PCDHA8: variants seen among roughly 807,000 people sequenced by gnomAD.
The protein encoded by PCDHA8 is protocadherin alpha 8, also known as protocadherin alpha-8.
PCDHA8 carries 53 observed loss-of-function variants against 61.8 expected under a neutral mutation model. That is an observed-to-expected ratio of 0.86 (90% CI 0.69 to 1.08). The LOEUF (loss-of-function observed/expected upper bound fraction) is 1.08. PCDHA8 is among the 50% of genes least tolerant of loss of function. PCDHA8 has a pLI of 0.00. For synonymous variants in PCDHA8, 618 were observed against 556.6 expected (o/e 1.11, Z -1.55); for missense variants, 1,293 against 1,245.0 (o/e 1.04, Z -0.58).
chr5:140,845,350 T>C (rs1779833131), intron 1 of PCDHA8, among the ~76,000 whole-genome samples: 1 of 149,732 alleles, frequency 6.7e-6, no homozygotes, highest in South Asian at 2.1e-4. Context: ...AAACATTTAA[T>C]TGACTTTTAC....
chr5:140,908,754 A>C (rs1403008536), intron 1 of PCDHA8, among the ~76,000 whole-genome samples: 1 of 152,184 alleles, frequency 6.6e-6, no homozygotes, highest in Non-Finnish European at 1.5e-5. Context: ...ACTTGCACAC[A>C]GCCTGGACGT....
chr5:140,843,118 C>T lies in PCDHA8; in HGVS notation c.1797C>T (p.Ala599=). The change falls in exon 1 of 4, where the codon GCC becomes GCT. Residue 599 remains alanine (A), a synonymous_variant. Transcript: ENST00000531613. The stretch of plus-strand genomic sequence containing the variant: ...TAGCGAAGGTGCGCGCAGTGGACGC[C>T]GACTCGGGCTACAACGCGTGGCTTT... ...HVVAKVRAVD[A]DSGYNAWLSY... is the part of the protein sequence containing the mutation. 6.3e-7 allele frequency: 1 copy of T among 1,595,834 alleles called. No individual in the cohort carries two copies. The highest frequency in any genetic ancestry group is 8.6e-7 in the Non-Finnish European group (1 of 1,165,538).
intron 2 of PCDHA8, 179 bp from the exon 3 acceptor site, chr5:140,982,296 C>G (rs886254601): frequency 8.6e-7 from 1 of 1,167,014 alleles, no homozygotes; most frequent in African/African-American, 1.5e-5. Context: ...AGTAAGTCAG[C>G]AATGCTTCTG....
intron 1 of PCDHA8, among the ~76,000 whole-genome samples, chr5:140,872,635 C>T (rs1172137990): frequency 6.6e-6 from 1 of 152,028 alleles, no homozygotes; most frequent in Non-Finnish European, 1.5e-5. Context: ...GATTTTGTTC[C>T]ATGAAAAGGC....
chr5:140,856,816 C>T (rs2044218457), intron 1 of PCDHA8: 2 of 1,593,576 alleles, frequency 1.3e-6, no homozygotes, highest in Admixed American at 1.7e-5. Flanking sequence ...ATCAAGTGAA[C>T]CAAACATTAG....
intron 1 of PCDHA8, among the ~76,000 whole-genome samples, chr5:140,888,454 A>G (rs1167294283): frequency 6.6e-6 from 1 of 152,234 alleles, no homozygotes; most frequent in Non-Finnish European, 1.5e-5. Context: ...ATAAAGAATT[A>G]GCTCAAAATG....
At chr5:140,877,839 A>G (rs2057367244) in intron 1 of PCDHA8, 12 of 1,582,068 alleles carry the variant, frequency 7.6e-6, no homozygotes, top group Non-Finnish European at 9.4e-6. Flanking sequence ...CTCCCAGTGA[A>G]GTAAGTTATT....
chr5:140,981,459 A>C (rs1267670163), intron 2 of PCDHA8, among the ~76,000 whole-genome samples: 1 of 152,176 alleles, frequency 6.6e-6, no homozygotes, highest in Non-Finnish European at 1.5e-5. Context: ...CTGTAGTCCC[A>C]GCTACTTGGG....
rs2098420299 is a variant in PCDHA8 at position 141,011,351 on chromosome 5, A to G, written c.*1414A>G. The G allele has an allele frequency of 1.3e-5, 2 of 153,694 alleles. No homozygotes were observed. Among genetic ancestry groups the G allele is most frequent in the African/African-American group, 2.4e-5 (1 of 41,410 alleles). 9.5% of individuals were successfully genotyped at this position (153,694 alleles called of 1,614,324 possible). A position where few individuals can be genotyped will look rare whatever the true frequency, so the allele number is the denominator to read the frequency against. On this transcript the variant is annotated 3_prime_UTR_variant, in exon 4 of 4. Transcript: ENST00000531613. ...TGATGTTACCTGAAATCAATCTCCC[A>G]TATGTATGCTGTATGCTATGCTAAG...
chr5:140,985,813 CA>C lies in PCDHA8; in HGVS notation c.2542+3251del, dbSNP rs527803363. 8.2e-5 allele frequency among the ~76,000 whole-genome samples: 12 copies of C among 146,604 alleles called. No homozygotes were observed. In the East Asian group the frequency reaches 2.3e-3, roughly 28 times the overall value. ...GGAGTGCAGTGGCACGATCTCAGCT[CA>C]CAACAAGCTCTGCCTCCCGGGTTCA... On this transcript the variant is annotated intron_variant, in intron 3 of 3. Transcript: ENST00000531613.
chr5:141,000,839 C>G (rs1194048512), intron 3 of PCDHA8, among the ~76,000 whole-genome samples: 1 of 151,970 alleles, frequency 6.6e-6, no homozygotes, highest in Admixed American at 6.6e-5. Flanking sequence ...TCCAGGAGAT[C>G]CAGTCTGGCA....
intron 1 of PCDHA8, among the ~76,000 whole-genome samples, chr5:140,921,828 A>C (rs1209455799): frequency 6.6e-6 from 1 of 152,126 alleles, no homozygotes; most frequent in Non-Finnish European, 1.5e-5. Flanking sequence ...ATATCTATAC[A>C]CATATAGACA....
chr5:140,973,850 T>G (rs767532771), intron 1 of PCDHA8, among the ~76,000 whole-genome samples: 25 of 152,176 alleles, frequency 1.6e-4, no homozygotes, highest in Admixed American at 5.2e-4. Flanking sequence ...TGCCTACCAA[T>G]TTTTGCTCTC....
At chr5:140,868,000 C>G (rs2050232725) in intron 1 of PCDHA8, 1 of 152,022 alleles carries the variant, frequency 6.6e-6, no homozygotes, top group Non-Finnish European at 1.5e-5. Flanking sequence ...ATGAATATAA[C>G]TGAATTAGAT....
intron 1 of PCDHA8, among the ~76,000 whole-genome samples, chr5:140,898,433 T>G (rs1253149141): frequency 6.6e-5 from 10 of 152,184 alleles, no homozygotes; most frequent in Non-Finnish European, 7.4e-5. Flanking sequence ...CCAGCACCAT[T>G]TATTAAATAG....
At chr5:140,871,352 C>CT in intron 1 of PCDHA8, 1 of 1,614,210 alleles carries the variant, frequency 6.2e-7, no homozygotes, top group South Asian at 1.1e-5. Flanking sequence ...TGGTCATACT[C>CT]GCAGCAGAGG....
At chr5:140,968,621 T>C (rs782017664) in intron 1 of PCDHA8, 11 of 1,614,190 alleles carry the variant, frequency 6.8e-6, no homozygotes, top group Non-Finnish European at 8.5e-6. Context: ...GCAAAATGCT[T>C]GGCTTTTTTA....
chr5:140,843,244 C>T lies in PCDHA8; in HGVS notation c.1923C>T (p.Asp641=). ...ISTTRVLDEA[D]SPRHRLLVLV... Reference sequence around the variant, plus strand: ...CCACTCGTGTCCTGGACGAAGCGGACTCTCCGCGCCACCGTCTGCTGGTCC... The same window carrying T: ...CCACTCGTGTCCTGGACGAAGCGGATTCTCCGCGCCACCGTCTGCTGGTCC... The change falls in exon 1 of 4, where the codon GAC becomes GAT. Residue 641 remains aspartate, a synonymous_variant. Coordinates refer to ENST00000531613, the MANE Select transcript of PCDHA8 (RefSeq NM_018911.3). 1 of 1,596,022 alleles carries T rather than the reference C, an allele frequency of 6.3e-7. No homozygotes were observed. The highest frequency in any genetic ancestry group is 8.6e-7 in the Non-Finnish European group (1 of 1,165,594).
rs782258990 is a variant in PCDHA8 at position 140,870,453 on chromosome 5, T to C, written c.2394+26738T>C. ...TGGAGGTGGCCGACGTGAACGACAATGCGCCTGCGTTCGCACAGCCCGAGT... is the reference window on the plus strand; with the variant it reads ...TGGAGGTGGCCGACGTGAACGACAACGCGCCTGCGTTCGCACAGCCCGAGT... On this transcript the variant is annotated intron_variant, in intron 1 of 3. Coordinates refer to ENST00000531613, the MANE Select transcript of PCDHA8 (RefSeq NM_018911.3). 10 of 1,614,138 alleles carry C rather than the reference T, an allele frequency of 6.2e-6. No homozygotes were observed. The Admixed American group carries it at 6.7e-5, about 11-fold the overall frequency.
Sources: gnomAD v4.1 joint callset for allele counts (sites outside exome capture counted in the v4.1 genomes callset) on GRCh38, gnomAD v4.1.1 for gene constraint, MANE v1.5 for transcripts, NCBI Gene and HGNC (gene_info 2026-07-23, HGNC 2026-07-21) for gene names.